Variants in WARS1 observed in about 807,000 individuals in gnomAD.
WARS1 encodes the protein tryptophanyl-tRNA synthetase 1.
In WARS1, 17 loss-of-function variants were observed where a neutral mutation model predicts 47.8. The ratio of observed to expected loss-of-function variants is 0.36; its 90% CI spans 0.24 to 0.53. The LOEUF (loss-of-function observed/expected upper bound fraction) is 0.53, where lower values mean the gene tolerates loss of function less well. Among genes scored for constraint, WARS1 ranks in the 20% least tolerant of loss-of-function variants. WARS1 has a pLI of 0.91. For missense variants in WARS1, 434 were observed against 608.0 expected, an observed-to-expected ratio of 0.71 and a Z score of 3.01; for synonymous variants, 208 against 228.1, an observed-to-expected ratio of 0.91 and a Z score of 0.79.
intron 4 of WARS1, 118 bp downstream of exon 4, chr14:100,360,436 C>A (rs2234524): frequency 1.2e-5 from 8 of 691,076 alleles, no homozygotes; most frequent in East Asian, 7.8e-5. Context: ...TCAGTCTTAC[C>A]ACAGCTGGCC....
intron 9 of WARS1, among the ~76,000 whole-genome samples, chr14:100,340,866 A>G (rs1015403380): frequency 1.3e-5 from 2 of 151,848 alleles, no homozygotes; most frequent in Admixed American, 6.6e-5. Context: ...CTGGTCCCTA[A>G]GTGAATGATA....
chr14:100,353,518 G>C (rs1320420700), intron 6 of WARS1, among the ~76,000 whole-genome samples, 169 bp downstream of exon 6: 1 of 152,200 alleles, frequency 6.6e-6, no homozygotes, highest in Non-Finnish European at 1.5e-5. Flanking sequence ...AAAGTGCTGG[G>C]ATTACAGGTG....
rs140692634 is a variant in WARS1, at chr14:100,371,911, G to C, written c.-73-2653C>G. On this transcript the variant is annotated intron_variant, in intron 1 of 10. Transcript: ENST00000392882. ...CTAAGCCACCATATCCCCTGTGACC[G>C]GCACGTACACATCCAGATGGCCTTA... Among the ~76,000 whole-genome samples the C allele has an allele frequency of 1.1e-4, 16 of 152,168 alleles. No homozygotes were observed. The East Asian group carries it at 3.1e-3, about 29-fold the overall frequency.
At chr14:100,345,354 G>A (rs934993827) in intron 7 of WARS1, among the ~76,000 whole-genome samples, 3 of 152,294 alleles carry the variant, frequency 2.0e-5, no homozygotes, top group Non-Finnish European at 4.4e-5. Flanking sequence ...GTTGATCTGT[G>A]ACCTTACCCC....
intron 2 of WARS1, chr14:100,366,110 G>A (rs1895974803): frequency 2.2e-6 from 1 of 455,832 alleles, no homozygotes; most frequent in African/African-American, 2.0e-5. Flanking sequence ...AGAGTTACAG[G>A]TGCCTAGACT....
intron 2 of WARS1, 65 bp downstream of exon 2, chr14:100,369,022 G>C (rs1215903622): frequency 1.6e-6 from 2 of 1,242,680 alleles, no homozygotes; most frequent in Non-Finnish European, 2.2e-6. Context: ...TATTCTAGAG[G>C]AACACAACCC....
chr14:100,353,886 G>A lies in WARS1; in HGVS notation c.543-17C>T. 6 of 1,609,098 alleles carry A rather than the reference G, an allele frequency of 3.7e-6. No homozygotes were observed. Among genetic ancestry groups the A allele is most frequent in the Non-Finnish European group, 4.2e-6 (5 of 1,177,378 alleles). ...TGGAGCCACCTAAAGAAACACAGGGGGAGAAAGCTGACGTCTCATCTCCCC... is the reference window on the plus strand; with the variant it reads ...TGGAGCCACCTAAAGAAACACAGGGAGAGAAAGCTGACGTCTCATCTCCCC... On this transcript the variant is annotated splice_polypyrimidine_tract_variant and intron_variant, in intron 5 of 10. Transcript: ENST00000392882.
intron 2 of WARS1, chr14:100,368,613 C>T: frequency 2.5e-6 from 1 of 399,168 alleles, no homozygotes; most frequent in South Asian, 1.8e-5. Context: ...TTTGAGAACC[C>T]CTGACTCTTT....
intron 10 of WARS1, 85 bp downstream of exon 10, chr14:100,336,977 T>A: frequency 1.9e-6 from 3 of 1,551,670 alleles, no homozygotes; most frequent in Non-Finnish European, 2.6e-6. Context: ...CAAGCCTTCA[T>A]GCCTGGCTGT....
Position 100,346,726 on chromosome 14 carries a change from A to T in WARS1, c.826+20T>A. ...TTGAAGGGTGCAGGGAGTGGTCCACAGCAGCAGTGGGCCTCTTACCAATGC... is the reference window on the plus strand; with the variant it reads ...TTGAAGGGTGCAGGGAGTGGTCCACTGCAGCAGTGGGCCTCTTACCAATGC... On this transcript the variant is annotated intron_variant, in intron 7 of 10. Transcript: ENST00000392882. 1.3e-6 allele frequency: 2 copies of T among 1,587,856 alleles called. No homozygotes were observed. The highest frequency in any genetic ancestry group is 1.7e-6 in the Non-Finnish European group (2 of 1,156,002).
At chr14:100,340,243 G>A (rs762487668) in intron 9 of WARS1, 4 of 152,420 alleles carry the variant, frequency 2.6e-5, no homozygotes, top group Non-Finnish European at 5.9e-5. Flanking sequence ...TACCAGGCCT[G>A]ACTTACAGGA....
chr14:100,342,342 C>A, intron 9 of WARS1, 56 bp downstream of exon 9: 5 of 1,607,804 alleles, frequency 3.1e-6, no homozygotes, highest in Non-Finnish European at 4.3e-6. Flanking sequence ...GTGCGTGTGC[C>A]CCCCAGGGCA....
At chr14:100,349,477 T>C (rs950300645) in intron 6 of WARS1, among the ~76,000 whole-genome samples, 2 of 152,170 alleles carry the variant, frequency 1.3e-5, no homozygotes, top group Non-Finnish European at 1.5e-5. Context: ...GCTCCTCCCA[T>C]GCCCGGGCCA....
intron 1 of WARS1, among the ~76,000 whole-genome samples, chr14:100,371,537 C>A (rs149187996): frequency 0.011 from 1,607 of 150,544 alleles, 29 homozygotes; most frequent in African/African-American, 0.037. Flanking sequence ...TGGATCAAGA[C>A]CAGCCTGGCC....
intron 6 of WARS1, among the ~76,000 whole-genome samples, chr14:100,348,810 C>T (rs60131938): frequency 0.061 from 9,283 of 152,252 alleles, 436 homozygotes; most frequent in African/African-American, 0.13. Context: ...TGTAGCTTCA[C>T]GGCGTCTGAC....
chr14:100,366,311 A>G (rs1895989934), intron 2 of WARS1, among the ~76,000 whole-genome samples: 1 of 152,182 alleles, frequency 6.6e-6, no homozygotes, highest in East Asian at 1.9e-4. Flanking sequence ...AAAGATCTAA[A>G]GACCTTGACA....
chr14:100,367,608 C>CCGTATCATTA (rs1896080410), intron 2 of WARS1, among the ~76,000 whole-genome samples: 1 of 29,768 alleles, frequency 3.4e-5, no homozygotes, highest in African/African-American at 1.4e-4. Context: ...GGTGGGGTGG[C>CCGTATCATTA]AAAAAAAAAA....
rs148895974 is a variant in WARS1, at chr14:100,335,168, T to C, written c.1255-132A>G. The stretch of plus-strand genomic sequence containing the variant: ...ACGTGGGTGGCACTCAGAAGTGAGA[T>C]CTGTTGTTACCACAACAATAACCTA... On this transcript the variant is annotated intron_variant, in intron 10 of 10. Coordinates refer to ENST00000392882, the MANE Select transcript of WARS1 (RefSeq NM_004184.4). 77 of 777,530 alleles carry C rather than the reference T, an allele frequency of 9.9e-5. No individual in the cohort carries two copies. The African/African-American group carries it at 1.3e-3, about 13-fold the overall frequency. 48.2% of individuals were successfully genotyped at this position (777,530 alleles called of 1,614,324 possible).
chr14:100,355,854 A>C (rs531392197), intron 4 of WARS1, among the ~76,000 whole-genome samples: 3 of 152,266 alleles, frequency 2.0e-5, no homozygotes, highest in Non-Finnish European at 4.4e-5. Context: ...ATAACCCATA[A>C]TTTTGGAAGG....
Sources: gnomAD v4.1 joint callset for allele counts (sites outside exome capture counted in the v4.1 genomes callset) on GRCh38, gnomAD v4.1.1 for gene constraint, MANE v1.5 for transcripts, NCBI Gene and HGNC (gene_info 2026-07-23, HGNC 2026-07-21) for gene names.